The following AHI1 variants were observed in gnomAD, a reference collection of about 807,000 sequenced individuals.
AHI1 encodes Abelson helper integration site 1.
In AHI1, 123 loss-of-function variants were observed where a neutral mutation model predicts 149.3. The observed-to-expected ratio is 0.82, with a 90% CI of 0.71 to 0.96. AHI1 has a LOEUF of 0.96. AHI1 is among the 40% of genes least tolerant of loss of function. The probability of loss-of-function intolerance (pLI) is 0.00; values close to 1 mark genes in which losing one functional copy is unlikely to be tolerated. For missense variants in AHI1, 1,439 were observed against 1,422.7 expected (o/e 1.01, Z -0.18); for synonymous variants, 475 against 459.8 (o/e 1.03, Z -0.42).
chr6:135,449,413 TA>T (rs1236658596), intron 11 of AHI1, among the ~76,000 whole-genome samples: 1 of 152,186 alleles, frequency 6.6e-6, no homozygotes, highest in Non-Finnish European at 1.5e-5. Flanking sequence ...TCTCTTTCAT[TA>T]GACCATGACT....
chr6:135,343,527 T>C lies in AHI1; in HGVS notation c.3165+14605A>G, dbSNP rs76876593. 1.7e-3 allele frequency among the ~76,000 whole-genome samples: 256 copies of C among 151,742 alleles called. 10 individuals are homozygous for C. The East Asian group carries it at 0.047, about 28-fold the overall frequency. ...AATTAAAACCGTGTAATGCTGACCA[T>C]AGAATAGGCGTGTGTATGGATCAAT... On this transcript the variant is annotated intron_variant, in intron 24 of 28. Transcript: ENST00000265602.
At chr6:135,302,885 G>A (rs1464893789) in intron 26 of AHI1, 34 of 1,134,006 alleles carry the variant, frequency 3.0e-5, no homozygotes, top group Non-Finnish European at 3.5e-5. Context: ...CATCGACAAC[G>A]CCAAAGAACA....
chr6:135,308,680 G>A (rs182453590), intron 26 of AHI1, among the ~76,000 whole-genome samples: 1 of 152,352 alleles, frequency 6.6e-6, no homozygotes, highest in East Asian at 1.9e-4. Context: ...ACTAAGCTCA[G>A]AGACTCAAAT....
chr6:135,312,644 G>T (rs961567704), intron 26 of AHI1, among the ~76,000 whole-genome samples: 6 of 152,226 alleles, frequency 3.9e-5, no homozygotes, highest in Non-Finnish European at 5.9e-5. Context: ...AACTGTGCAG[G>T]TACCAACTGT....
chr6:135,340,664 T>TAC (rs1790193245), intron 24 of AHI1, among the ~76,000 whole-genome samples: 1 of 106,974 alleles, frequency 9.3e-6, no homozygotes, highest in Non-Finnish European at 1.8e-5. Context: ...CATACATATA[T>TAC]ATATATATAT....
chr6:135,387,487 G>A (rs1192005153), intron 23 of AHI1, among the ~76,000 whole-genome samples: 1 of 152,154 alleles, frequency 6.6e-6, no homozygotes, highest in Non-Finnish European at 1.5e-5. Context: ...GCCAAAGACG[G>A]CTTAAGGGTG....
At chr6:135,390,760 C>T (rs1489040146) in intron 23 of AHI1, among the ~76,000 whole-genome samples, 2 of 152,328 alleles carry the variant, frequency 1.3e-5, no homozygotes, top group East Asian at 3.9e-4. Context: ...AATGATTTCA[C>T]TCCCTATGAT....
rs371250177 is a variant in AHI1 at position 135,452,475 on chromosome 6, G to T, written c.1440+866C>A. On this transcript the variant is annotated intron_variant, in intron 11 of 28. Transcript: ENST00000265602. ...CATTTTTTACCTAGACTACTGTTAA[G>T]AATTTCCTAATGTGATTTTCAAGTA... Among the ~76,000 whole-genome samples the T allele has an allele frequency of 6.0e-4, 92 of 152,234 alleles. 1 individual carries two copies. In the South Asian group the frequency reaches 0.018, roughly 30 times the overall value.
At chr6:135,334,543 A>T (rs1582648079) in intron 24 of AHI1, among the ~76,000 whole-genome samples, 1 of 152,246 alleles carries the variant, frequency 6.6e-6, no homozygotes, top group African/African-American at 2.4e-5. Flanking sequence ...AATTGGTATG[A>T]ATTAAACCTT....
intron 20 of AHI1, among the ~76,000 whole-genome samples, chr6:135,420,354 G>T (rs939617068): frequency 2.0e-5 from 3 of 152,106 alleles, no homozygotes; most frequent in Admixed American, 2.0e-4. Context: ...ATACTAAGAC[G>T]TGAAAGTCAA....
chr6:135,490,635 T>C lies in AHI1; in HGVS notation c.123A>G (p.Glu41=). The C allele has an allele frequency of 6.2e-7, 1 of 1,613,708 alleles. No homozygotes were observed. The highest frequency in any genetic ancestry group is 1.3e-5 in the African/African-American group (1 of 75,050). The change falls in exon 5 of 29, where the codon GAA becomes GAG. Residue 41 remains glutamate (E), a synonymous_variant. Transcript: ENST00000265602. ...KKLKKKLVRS[E]ENISPDTIRS... ...ATCATTTACTTACTGAGATGTTTTCTTCAGACCTGACAAGTTTTTTCTTCA... is the reference window on the plus strand; with the variant it reads ...ATCATTTACTTACTGAGATGTTTTCCTCAGACCTGACAAGTTTTTTCTTCA...
chr6:135,296,098 GT>G (rs1452219451), intron 27 of AHI1, among the ~76,000 whole-genome samples: 1 of 152,076 alleles, frequency 6.6e-6, no homozygotes, highest in East Asian at 1.9e-4. Flanking sequence ...CAGATGATCC[GT>G]TTGCCTCGGC....
At chr6:135,343,510 C>A (rs568048266) in intron 24 of AHI1, among the ~76,000 whole-genome samples, 21 of 151,828 alleles carry the variant, frequency 1.4e-4, no homozygotes, top group Middle Eastern at 6.8e-3. Context: ...GTAATTAAAA[C>A]CGTGTAATGC....
intron 26 of AHI1, among the ~76,000 whole-genome samples, chr6:135,317,735 G>A (rs1786191033): frequency 6.6e-6 from 1 of 152,118 alleles, no homozygotes; most frequent in Non-Finnish European, 1.5e-5. Context: ...AAAACATGCT[G>A]ACTGACTGAA....
intron 27 of AHI1, among the ~76,000 whole-genome samples, chr6:135,298,445 C>T (rs1381240078): frequency 6.6e-6 from 1 of 151,752 alleles, no homozygotes; most frequent in Non-Finnish European, 1.5e-5. Flanking sequence ...AAGTTACAAA[C>T]TCAAAGGCAG....
intron 20 of AHI1, among the ~76,000 whole-genome samples, chr6:135,415,174 T>C (rs952193829): frequency 2.5e-4 from 38 of 152,194 alleles, no homozygotes; most frequent in African/African-American, 9.2e-4. Context: ...TAGTATTCCA[T>C]GGTGTATATG....
chr6:135,389,616 CAATT>C (rs1392742535), intron 23 of AHI1, among the ~76,000 whole-genome samples: 4 of 152,066 alleles, frequency 2.6e-5, no homozygotes, highest in South Asian at 2.1e-4. Context: ...TGTAAGTTTA[CAATT>C]AATAAAGATA....
At chr6:135,318,680 A>G in intron 25 of AHI1, 64 bp from the exon 26 acceptor site, 3 of 979,206 alleles carry the variant, frequency 3.1e-6, no homozygotes, top group Non-Finnish European at 4.5e-6. Flanking sequence ...GGGGAAAAAC[A>G]ACGATGGTAG....
intron 3 of AHI1, among the ~76,000 whole-genome samples, chr6:135,493,407 C>A (rs1795526334): frequency 1.3e-5 from 2 of 152,164 alleles, no homozygotes; most frequent in South Asian, 4.1e-4. Flanking sequence ...TGTAAACATA[C>A]CTAACTATGT....
Sources: allele counts gnomAD v4.1 joint callset (sites outside exome capture counted in the v4.1 genomes callset), GRCh38; gene constraint gnomAD v4.1.1; transcripts MANE v1.5; gene names NCBI Gene and HGNC (gene_info 2026-07-23, HGNC 2026-07-21).